Variants in CNNM2 observed in about 807,000 individuals in gnomAD.
CNNM2 encodes cyclin and CBS domain divalent metal cation transport mediator 2, also known as metal transporter CNNM2.
A neutral mutation model predicts 66.9 loss-of-function variants in CNNM2; 12 were observed. The ratio of observed to expected loss-of-function variants is 0.18; its 90% CI spans 0.11 to 0.29. The LOEUF is 0.29. CNNM2 is among the 10% of genes least tolerant of loss of function. The probability of loss-of-function intolerance (pLI) is 1.00; values close to 1 mark genes in which losing one functional copy is unlikely to be tolerated. For synonymous variants in CNNM2, 557 were observed against 501.8 expected, an observed-to-expected ratio of 1.11 and a Z score of -1.47; for missense variants, 705 against 1,167.7, an observed-to-expected ratio of 0.60 and a Z score of 5.77.
intron 6 of CNNM2, among the ~76,000 whole-genome samples, chr10:103,073,929 T>TACC (rs1394621961): frequency 1.4e-5 from 2 of 145,502 alleles, no homozygotes; most frequent in Admixed American, 6.9e-5. Flanking sequence ...ACTTATGGGG[T>TACC]ACCTACTGTT....
chr10:103,012,150 C>T (rs2064355502), intron 1 of CNNM2, among the ~76,000 whole-genome samples: 1 of 152,178 alleles, frequency 6.6e-6, no homozygotes, highest in Non-Finnish European at 1.5e-5. Flanking sequence ...ATTGTTTACA[C>T]ATCATTTTAT....
intron 1 of CNNM2, among the ~76,000 whole-genome samples, chr10:102,993,770 T>C (rs2063937861): frequency 6.6e-6 from 1 of 151,798 alleles, no homozygotes. Context: ...GGTCTGTCAT[T>C]AAAAATTTTC....
intron 1 of CNNM2, among the ~76,000 whole-genome samples, chr10:102,988,157 C>A (rs545693564): frequency 1.3e-5 from 2 of 151,972 alleles, no homozygotes; most frequent in Admixed American, 6.6e-5. Flanking sequence ...AAAAACTTAG[C>A]CGGGAGTGGT....
At chr10:102,960,936 C>T (rs1187027177) in intron 1 of CNNM2, among the ~76,000 whole-genome samples, 3 of 151,284 alleles carry the variant, frequency 2.0e-5, no homozygotes, top group Non-Finnish European at 4.4e-5. Flanking sequence ...TCTTGTTGTC[C>T]AGGCTGGAGT....
intron 1 of CNNM2, among the ~76,000 whole-genome samples, chr10:102,978,208 C>CTT (rs79672869): frequency 2.2e-5 from 3 of 138,158 alleles, no homozygotes; most frequent in Admixed American, 7.3e-5. Context: ...CATGCCTGGA[C>CTT]TTTTTTTTTT....
Position 102,919,035 on chromosome 10 carries a change from G to A in CNNM2, c.555G>A (p.Lys185=). Residue 185 remains lysine (K), a synonymous_variant, in exon 1 of 8, where the codon AAG becomes AAA. Transcript: ENST00000369878. Reference sequence around the variant, plus strand: ...TCAAACCGCTACGCAAGATGGAGAAGAGCAAGTCCTATTACCTGTGCACGT... The same window carrying A: ...TCAAACCGCTACGCAAGATGGAGAAAAGCAAGTCCTATTACCTGTGCACGT... The part of the protein sequence containing the change: ...IEIKPLRKME[K]SKSYYLCTSL... 6.2e-7 allele frequency: 1 copy of A among 1,612,688 alleles called. No homozygotes were observed. Among genetic ancestry groups the A allele is most frequent in the Non-Finnish European group, 8.5e-7 (1 of 1,179,498 alleles).
intron 1 of CNNM2, among the ~76,000 whole-genome samples, chr10:102,989,125 G>A (rs1360309539): frequency 6.6e-6 from 1 of 152,148 alleles, no homozygotes; most frequent in East Asian, 1.9e-4. Context: ...TGTGCAAACA[G>A]GAACAGCTCA....
At chr10:103,028,428 T>C (rs1283234304) in intron 1 of CNNM2, among the ~76,000 whole-genome samples, 2 of 152,230 alleles carry the variant, frequency 1.3e-5, no homozygotes, top group African/African-American at 4.8e-5. Flanking sequence ...TTGAAGACAT[T>C]CTCAAGCACA....
chr10:103,041,192 C>A (rs1348227094), intron 1 of CNNM2, among the ~76,000 whole-genome samples: 1 of 152,168 alleles, frequency 6.6e-6, no homozygotes, highest in Non-Finnish European at 1.5e-5. Context: ...CGTCTTCCGC[C>A]TCACCCACCC....
intron 1 of CNNM2, among the ~76,000 whole-genome samples, chr10:102,933,209 G>A (rs947020067): frequency 6.6e-6 from 1 of 152,160 alleles, no homozygotes; most frequent in Non-Finnish European, 1.5e-5. Context: ...TGCATCTGTA[G>A]ATCAATTTAG....
Position 103,076,907 on chromosome 10 carries a change from A to C in CNNM2, c.2419-64A>C, listed in dbSNP as rs2065701849. 5 of 1,430,836 alleles carry C rather than the reference A, an allele frequency of 3.5e-6. No homozygotes were observed. The South Asian group carries it at 5.8e-5, about 16-fold the overall frequency. 88.6% of individuals were successfully genotyped at this position (1,430,836 alleles called of 1,614,324 possible). A position where few individuals can be genotyped will look rare whatever the true frequency, so the allele number is the denominator to read the frequency against. ...GGGCCTGTCGGGATTGAACGTGTGG[A>C]GATCAGAGAACCTAAAAATAAGCAT... is the stretch of plus-strand genomic sequence containing the variant. On this transcript the variant is annotated intron_variant, in intron 7 of 7. Transcript: ENST00000369878.
chr10:102,967,126 A>T (rs977551581), intron 1 of CNNM2, among the ~76,000 whole-genome samples: 6 of 152,112 alleles, frequency 3.9e-5, no homozygotes, highest in African/African-American at 1.4e-4. Context: ...TTTTTAAAAA[A>T]TTTCTTTTAG....
intron 1 of CNNM2, among the ~76,000 whole-genome samples, chr10:102,972,827 G>T (rs1289942802): frequency 2.6e-5 from 4 of 152,166 alleles, no homozygotes; most frequent in African/African-American, 9.7e-5. Flanking sequence ...TTAGTAAGGA[G>T]AGAATTCATG....
At chr10:103,049,612 C>T (rs746866272) in intron 1 of CNNM2, 95 bp from the exon 2 acceptor site, 1 of 1,124,658 alleles carries the variant, frequency 8.9e-7, no homozygotes, top group Non-Finnish European at 1.3e-6. Context: ...GATAATTCGA[C>T]ATCTGTGTTT....
At position 103,035,772 on chromosome 10, in the gene CNNM2, C is replaced by T. The variant is rs565292622; in HGVS notation, c.1622-13935C>T. On this transcript the variant is annotated intron_variant, in intron 1 of 7. Coordinates refer to ENST00000369878, the MANE Select transcript of CNNM2 (RefSeq NM_017649.5). ...GTTTGTTTATTGCCTGGAATCCTAA[C>T]TTAGGGGAGAGGGCTGGAGGGCTGT... Among the ~76,000 whole-genome samples the T allele has an allele frequency of 1.8e-4, 27 of 152,288 alleles. No homozygotes were observed. In the East Asian group the frequency reaches 4.6e-3, roughly 26 times the overall value.
intron 1 of CNNM2, among the ~76,000 whole-genome samples, chr10:102,926,506 A>G (rs1041923395): frequency 1.3e-5 from 2 of 152,178 alleles, no homozygotes; most frequent in Non-Finnish European, 2.9e-5. Context: ...AAGAAAACCC[A>G]CAAAACAGAC....
chr10:102,968,035 C>A (rs1294516856), intron 1 of CNNM2, among the ~76,000 whole-genome samples: 1 of 152,082 alleles, frequency 6.6e-6, no homozygotes, highest in South Asian at 2.1e-4. Flanking sequence ...TGGGCACTTG[C>A]ATGAAGTCTT....
intron 1 of CNNM2, among the ~76,000 whole-genome samples, chr10:103,031,865 G>A (rs993343103): frequency 5.9e-5 from 9 of 152,060 alleles, no homozygotes; most frequent in Non-Finnish European, 1.0e-4. Flanking sequence ...GATTTATCCC[G>A]TTGATTTCTC....
At chr10:103,043,696 T>G (rs2065081602) in intron 1 of CNNM2, among the ~76,000 whole-genome samples, 1 of 152,222 alleles carries the variant, frequency 6.6e-6, no homozygotes, top group African/African-American at 2.4e-5. Context: ...TTTAGTTGCT[T>G]AGTCCATCTC....
Sources: gnomAD v4.1 joint callset for allele counts (sites outside exome capture counted in the v4.1 genomes callset) on GRCh38, gnomAD v4.1.1 for gene constraint, MANE v1.5 for transcripts, NCBI Gene and HGNC (gene_info 2026-07-23, HGNC 2026-07-21) for gene names.